PCDHGB7: variants seen among roughly 807,000 people sequenced by gnomAD.
PCDHGB7 encodes protocadherin gamma-B7.
A neutral mutation model predicts 61.4 loss-of-function variants in PCDHGB7; 37 were observed. The observed-to-expected ratio is 0.60, with a 90% CI of 0.46 to 0.79. The LOEUF (loss-of-function observed/expected upper bound fraction) is 0.79. PCDHGB7 is among the 30% of genes least tolerant of loss of function. The probability of loss-of-function intolerance (pLI) is 0.00; values close to 1 mark genes in which losing one functional copy is unlikely to be tolerated. For synonymous variants in PCDHGB7, 464 were observed against 503.5 expected (o/e 0.92, Z 1.05); for missense variants, 1,166 against 1,202.5 (o/e 0.97, Z 0.45).
At position 141,431,994 on chromosome 5, in the gene PCDHGB7, G is replaced by C; in HGVS notation, c.2415+11720G>C. ...TTAGTCACAGACATAGTCTTGGATA[G>C]GGAACAGGTTCCTAGCTACAACATC... is the stretch of plus-strand genomic sequence containing the variant. On this transcript the variant is annotated intron_variant, in intron 1 of 3. Coordinates refer to ENST00000398594, the MANE Select transcript of PCDHGB7 (RefSeq NM_018927.4). The surrounding 1 kb of genome is among the most constrained non-coding windows in gnomAD (Gnocchi z 4.8). 1.9e-6 allele frequency: 3 copies of C among 1,614,188 alleles called. 1 individual carries two copies. The highest frequency in any genetic ancestry group is 2.2e-5 in the South Asian group (2 of 91,082).
chr5:141,428,238 G>A lies in PCDHGB7; in HGVS notation c.2415+7964G>A, dbSNP rs775703660. On this transcript the variant is annotated intron_variant, in intron 1 of 3. Transcript: ENST00000398594. ...TAGTCTTCGCAGACAGCCTGCAGGA[G>A]GCACTGCCAGACTTCAGTGACAGTC... 1.0e-5 allele frequency: 10 copies of A among 998,180 alleles called. No individual in the cohort carries two copies. The South Asian group carries it at 1.3e-4, about 13-fold the overall frequency. The allele number at this position is 998,180 out of a possible 1,614,324, so 61.8% of individuals were successfully genotyped here. A position where few individuals can be genotyped will look rare whatever the true frequency, so the allele number is the denominator to read the frequency against.
chr5:141,419,436 G>T lies in PCDHGB7; in HGVS notation c.1577G>T (p.Arg526Leu), dbSNP rs756968644. 1 of 1,613,144 alleles carries T rather than the reference G, an allele frequency of 6.2e-7. No homozygotes were observed. Among genetic ancestry groups the T allele is most frequent in the East Asian group, 2.2e-5 (1 of 44,884 alleles). ...AQRAFDHEQL[R>L]TFELTLQARD... Reference sequence around the variant, plus strand: ...CGCGCCTTCGACCACGAGCAGCTGCGCACCTTCGAGCTCACGCTGCAGGCC... The same window carrying T: ...CGCGCCTTCGACCACGAGCAGCTGCTCACCTTCGAGCTCACGCTGCAGGCC... The change falls in exon 1 of 4, where the codon CGC (arginine) becomes CTC (leucine). Residue 526 changes from arginine (R) to leucine (L), a missense_variant. By Grantham distance (102) the Arg-to-Leu change is moderately radical. Coordinates refer to ENST00000398594, the MANE Select transcript of PCDHGB7 (RefSeq NM_018927.4).
rs200625256 is a variant in PCDHGB7 at position 141,477,009 on chromosome 5, A to G, written c.2416-17798A>G. 7.5e-5 allele frequency: 121 copies of G among 1,614,064 alleles called. No homozygotes were observed. Among genetic ancestry groups the G allele is most frequent in the Non-Finnish European group, 9.2e-5 (109 of 1,180,028 alleles). On this transcript the variant is annotated intron_variant, in intron 1 of 3. Transcript: ENST00000398594. This position sits in a 1 kb window ranked among gnomAD's most constrained non-coding sequence, Gnocchi z 4.9. The stretch of plus-strand genomic sequence containing the variant: ...GGCGTGCGGCAACTATTCGCCTTAG[A>G]CCTTGTAACCGGGATGCTGACAATC...
chr5:141,444,545 CA>C (rs1264288836), intron 1 of PCDHGB7, among the ~76,000 whole-genome samples: 7 of 152,042 alleles, frequency 4.6e-5, no homozygotes, highest in Admixed American at 6.6e-5. Flanking sequence ...GTCTAGTGAG[CA>C]AAAGGCACTT....
At chr5:141,465,905 G>C (rs938438286) in intron 1 of PCDHGB7, among the ~76,000 whole-genome samples, 8 of 151,958 alleles carry the variant, frequency 5.3e-5, no homozygotes, top group Non-Finnish European at 8.8e-5. Context: ...GGCAAATCAC[G>C]AGGTCAGGAT....
intron 1 of PCDHGB7, among the ~76,000 whole-genome samples, chr5:141,492,781 T>A (rs945023154): frequency 6.6e-6 from 1 of 152,194 alleles, no homozygotes; most frequent in African/African-American, 2.4e-5. Context: ...TGAGTGAGCC[T>A]CTATAGGACA....
intron 1 of PCDHGB7, among the ~76,000 whole-genome samples, chr5:141,435,770 C>G (rs1445835726): frequency 6.6e-6 from 1 of 152,070 alleles, no homozygotes; most frequent in Non-Finnish European, 1.5e-5. Context: ...TTGGTGAATT[C>G]TGTAAAGGTG....
At position 141,491,904 on chromosome 5, in the gene PCDHGB7, G is replaced by C; in HGVS notation, c.2416-2903G>C. The C allele has an allele frequency of 7.0e-7, 1 of 1,423,838 alleles. No individual in the cohort carries two copies. The allele number at this position is 1,423,838 out of a possible 1,614,324, so 88.2% of individuals were successfully genotyped here. ...GGATGGGGCTCCGAGCACCGGGGGT[G>C]GTGGCGACTGTGGGCGAGGGGAGGT... On this transcript the variant is annotated intron_variant, in intron 1 of 3. Coordinates refer to ENST00000398594, the MANE Select transcript of PCDHGB7 (RefSeq NM_018927.4). This position sits in a 1 kb window ranked among gnomAD's most constrained non-coding sequence, Gnocchi z 6.9.
intron 1 of PCDHGB7, among the ~76,000 whole-genome samples, chr5:141,461,376 T>C (rs2099014225): frequency 6.6e-6 from 1 of 152,184 alleles, no homozygotes; most frequent in South Asian, 2.1e-4. Context: ...AATTTGCATT[T>C]TCCTGATGAT....
intron 1 of PCDHGB7, among the ~76,000 whole-genome samples, chr5:141,429,503 C>T (rs890656634): frequency 1.3e-5 from 2 of 151,922 alleles, no homozygotes; most frequent in Admixed American, 6.6e-5. Context: ...TTGCCTGAAA[C>T]TGTGCCTGGC....
chr5:141,494,607 C>T (rs2099755630), intron 1 of PCDHGB7, among the ~76,000 whole-genome samples, 200 bp from the exon 2 acceptor site: 2 of 152,092 alleles, frequency 1.3e-5, no homozygotes, highest in South Asian at 2.1e-4. Flanking sequence ...TGTGATTTAT[C>T]TCTTGGTTTC....
rs759439765 is a variant in PCDHGB7 at position 141,478,199 on chromosome 5, C to A, written c.2416-16608C>A. ...GAAAAAAAATCTCACCTTTTATCTA[C>A]TTCTTTCTCTAATCCTGGTTTCTGT... On this transcript the variant is annotated intron_variant, in intron 1 of 3. Coordinates refer to ENST00000398594, the MANE Select transcript of PCDHGB7 (RefSeq NM_018927.4). The A allele has an allele frequency of 3.8e-5, 62 of 1,613,938 alleles. No homozygotes were observed. Among genetic ancestry groups the A allele is most frequent in the Non-Finnish European group, 5.0e-5 (59 of 1,180,046 alleles).
chr5:141,417,713 C>G lies in PCDHGB7; in HGVS notation c.-147C>G. On this transcript the variant is annotated 5_prime_UTR_variant, in exon 1 of 4. Transcript: ENST00000398594. ...AAACCAGCTCCCACACAGAGGCTCC[C>G]GGCTGCGCAGACCTTGCCCAGCACA... is the stretch of plus-strand genomic sequence containing the variant. 1 of 1,271,750 alleles carries G rather than the reference C, an allele frequency of 7.9e-7. No individual in the cohort carries two copies. Among genetic ancestry groups the G allele is most frequent in the Non-Finnish European group, 1.1e-6 (1 of 950,932 alleles). 78.8% of individuals were successfully genotyped at this position (1,271,750 alleles called of 1,614,324 possible).
chr5:141,434,784 A>C (rs967716221), intron 1 of PCDHGB7, among the ~76,000 whole-genome samples: 1 of 150,278 alleles, frequency 6.7e-6, no homozygotes, highest in African/African-American at 2.5e-5. Flanking sequence ...AAAAAAAAAA[A>C]TTTTTTTTTC....
At chr5:141,446,401 T>C (rs1321106896) in intron 1 of PCDHGB7, among the ~76,000 whole-genome samples, 1 of 152,166 alleles carries the variant, frequency 6.6e-6, no homozygotes, top group African/African-American at 2.4e-5. Context: ...AGAAATCGAG[T>C]TGAGTTCCAG....
intron 1 of PCDHGB7, chr5:141,424,091 G>A: frequency 1.1e-6 from 1 of 879,778 alleles, no homozygotes; most frequent in Non-Finnish European, 1.4e-6. Context: ...ACCATTATTT[G>A]CTATTACTGC....
intron 1 of PCDHGB7, among the ~76,000 whole-genome samples, chr5:141,464,935 T>A (rs1157718693): frequency 6.6e-6 from 1 of 151,882 alleles, no homozygotes; most frequent in African/African-American, 2.4e-5. Flanking sequence ...AGATGTGAGG[T>A]CTCACTATGT....
chr5:141,419,926 G>T lies in PCDHGB7; in HGVS notation c.2067G>T (p.Gln689His). 1 of 1,614,096 alleles carries T rather than the reference G, an allele frequency of 6.2e-7. No individual in the cohort carries two copies. The highest frequency in any genetic ancestry group is 1.1e-5 in the South Asian group (1 of 91,084). ...PTPSDSQAEMQFYLVVALALI... is the reference protein window; with the variant it reads ...PTPSDSQAEMHFYLVVALALI... Reference sequence around the variant, plus strand: ...CCTCTGACTCCCAGGCTGAGATGCAGTTTTACCTGGTGGTGGCCTTGGCCT... The same window carrying T: ...CCTCTGACTCCCAGGCTGAGATGCATTTTTACCTGGTGGTGGCCTTGGCCT... Residue 689 changes from glutamine (Q) to histidine (H), a missense_variant, in exon 1 of 4, where the codon CAG becomes CAT. Transcript: ENST00000398594.
intron 1 of PCDHGB7, among the ~76,000 whole-genome samples, chr5:141,430,213 A>G (rs892801149): frequency 6.6e-6 from 1 of 151,106 alleles, no homozygotes; most frequent in Non-Finnish European, 1.5e-5. Context: ...AAATTATTAT[A>G]TTATATGATT....
Sources: allele counts gnomAD v4.1 joint callset (sites outside exome capture counted in the v4.1 genomes callset), GRCh38; gene constraint gnomAD v4.1.1; non-coding constraint Gnocchi (gnomAD v3.1); transcripts MANE v1.5; gene names NCBI Gene and HGNC (gene_info 2026-07-23, HGNC 2026-07-21).